The following C8orf34 variants were observed in gnomAD, a reference collection of about 807,000 sequenced individuals.
The protein encoded by C8orf34 is chromosome 8 open reading frame 34, also known as uncharacterized protein C8orf34.
C8orf34 carries 65 observed loss-of-function variants against 68.3 expected under a neutral mutation model. That is an observed-to-expected ratio of 0.95 (90% confidence interval 0.78 to 1.17). The LOEUF is 1.17. Ranked by LOEUF, C8orf34 falls within the 50% of genes most tolerant of loss-of-function variation. The pLI is 0.00. For missense variants in C8orf34, 664 were observed against 655.4 expected (o/e 1.01, Z -0.14); for synonymous variants, 244 against 241.2 (o/e 1.01, Z -0.11).
At chr8:68,587,938 C>A (rs907026617) in intron 7 of C8orf34, among the ~76,000 whole-genome samples, 1 of 152,096 alleles carries the variant, frequency 6.6e-6, no homozygotes, top group African/African-American at 2.4e-5. Context: ...ATGTACAGAT[C>A]AAAGGATGCA....
At chr8:68,629,262 A>G (rs1242872524) in intron 7 of C8orf34, among the ~76,000 whole-genome samples, 4 of 152,180 alleles carry the variant, frequency 2.6e-5, no homozygotes, top group Non-Finnish European at 5.9e-5. Flanking sequence ...GTCCATATGT[A>G]TATCTTGAAG....
intron 7 of C8orf34, among the ~76,000 whole-genome samples, chr8:68,561,112 A>G (rs1816410811): frequency 1.3e-5 from 2 of 151,130 alleles, no homozygotes; most frequent in South Asian, 4.2e-4. Flanking sequence ...TCTCCTGAGT[A>G]GCTGGGATTA....
intron 8 of C8orf34, among the ~76,000 whole-genome samples, chr8:68,662,763 C>A (rs910285807): frequency 3.3e-5 from 5 of 152,080 alleles, no homozygotes; most frequent in African/African-American, 1.2e-4. Flanking sequence ...ATAGGAATCC[C>A]CTTTTTTTCA....
Position 68,528,051 on chromosome 8 carries a change from A to G in C8orf34, c.939-4932A>G, listed in dbSNP as rs368994788. On this transcript the variant is annotated intron_variant, in intron 6 of 13. Transcript: ENST00000518698. ...TTAATTTCCCACATCATCTTCTAGC[A>G]ATAATTTGCTAACTGCCAGCCATTC... 2.4e-4 allele frequency among the ~76,000 whole-genome samples: 36 copies of G among 152,302 alleles called. No homozygotes were observed. In the South Asian group the frequency reaches 7.2e-3, roughly 31 times the overall value.
At chr8:68,695,136 A>G (rs1820789650) in intron 8 of C8orf34, among the ~76,000 whole-genome samples, 1 of 151,188 alleles carries the variant, frequency 6.6e-6, no homozygotes, top group East Asian at 1.9e-4. Flanking sequence ...CTCAATTAGC[A>G]ACTGTTTATT....
At chr8:68,527,783 T>C (rs1443400485) in intron 6 of C8orf34, among the ~76,000 whole-genome samples, 1 of 152,162 alleles carries the variant, frequency 6.6e-6, no homozygotes, top group East Asian at 1.9e-4. Flanking sequence ...AAGAGGGGCC[T>C]CGGAACCCTA....
intron 8 of C8orf34, among the ~76,000 whole-genome samples, chr8:68,698,260 G>A (rs1404440923): frequency 6.6e-6 from 1 of 151,976 alleles, no homozygotes. Context: ...GGAATGTTCA[G>A]TATACTTGAA....
At chr8:68,616,000 C>T (rs1239144438) in intron 7 of C8orf34, among the ~76,000 whole-genome samples, 1 of 151,052 alleles carries the variant, frequency 6.6e-6, no homozygotes. Flanking sequence ...GATTAAACTT[C>T]TTCCTGGTTT....
intron 7 of C8orf34, among the ~76,000 whole-genome samples, chr8:68,600,400 T>G (rs1383972174): frequency 6.6e-6 from 1 of 152,156 alleles, no homozygotes; most frequent in Admixed American, 6.6e-5. Context: ...TTTTTACATG[T>G]ACTTCCATTT....
chr8:68,338,569 A>C (rs760427013), intron 1 of C8orf34, among the ~76,000 whole-genome samples: 3 of 152,118 alleles, frequency 2.0e-5, no homozygotes, highest in Non-Finnish European at 4.4e-5. Context: ...ACACTATGCA[A>C]ATTTTTTGGT....
At chr8:68,619,670 C>T (rs1818330567) in intron 7 of C8orf34, among the ~76,000 whole-genome samples, 1 of 152,140 alleles carries the variant, frequency 6.6e-6, no homozygotes, top group South Asian at 2.1e-4. Flanking sequence ...TTTGAGGGCA[C>T]AGGTACATAT....
intron 8 of C8orf34, among the ~76,000 whole-genome samples, chr8:68,642,658 T>C (rs1819046939): frequency 6.6e-6 from 1 of 152,186 alleles, no homozygotes; most frequent in Non-Finnish European, 1.5e-5. Flanking sequence ...AAGAGGAAAC[T>C]GAACTTAGAA....
At chr8:68,610,142 A>T (rs1212081498) in intron 7 of C8orf34, among the ~76,000 whole-genome samples, 1 of 152,180 alleles carries the variant, frequency 6.6e-6, no homozygotes, top group Non-Finnish European at 1.5e-5. Context: ...GCAATATGGA[A>T]TTTTTTAATT....
chr8:68,605,740 A>G (rs1253938835), intron 7 of C8orf34, among the ~76,000 whole-genome samples: 1 of 152,116 alleles, frequency 6.6e-6, no homozygotes, highest in Non-Finnish European at 1.5e-5. Flanking sequence ...CAATCCCTGG[A>G]GCACAGAGGA....
At chr8:68,498,912 G>C (rs1813645784) in intron 5 of C8orf34, among the ~76,000 whole-genome samples, 1 of 152,202 alleles carries the variant, frequency 6.6e-6, no homozygotes, top group African/African-American at 2.4e-5. Context: ...GAAAGCACAA[G>C]TTGAGTCTGG....
At chr8:68,422,711 C>T (rs1030124882) in intron 1 of C8orf34, among the ~76,000 whole-genome samples, 5 of 152,204 alleles carry the variant, frequency 3.3e-5, no homozygotes, top group African/African-American at 1.2e-4. Flanking sequence ...GGCTCCGACC[C>T]CACATTTCCC....
chr8:68,537,785 C>T (rs1378548178), intron 7 of C8orf34, among the ~76,000 whole-genome samples: 1 of 151,950 alleles, frequency 6.6e-6, no homozygotes, highest in Non-Finnish European at 1.5e-5. Context: ...TCATACCCTT[C>T]ATTCTTCACT....
At chr8:68,543,338 A>G (rs1490213738) in intron 7 of C8orf34, among the ~76,000 whole-genome samples, 1 of 152,164 alleles carries the variant, frequency 6.6e-6, no homozygotes, top group East Asian at 1.9e-4. Flanking sequence ...ATGAAAAGAT[A>G]TTTAATGTAG....
chr8:68,682,914 A>G (rs1820410346), intron 8 of C8orf34, among the ~76,000 whole-genome samples: 1 of 152,154 alleles, frequency 6.6e-6, no homozygotes, highest in South Asian at 2.1e-4. Flanking sequence ...TTAGGAGGAA[A>G]AAAATGTTTC....
Sources: gnomAD v4.1 joint callset for allele counts (sites outside exome capture counted in the v4.1 genomes callset) on GRCh38, gnomAD v4.1.1 for gene constraint, MANE v1.5 for transcripts, NCBI Gene and HGNC (gene_info 2026-07-23, HGNC 2026-07-21) for gene names.